The following AUTS2 variants were observed in gnomAD, a reference collection of about 807,000 sequenced individuals.
The protein encoded by AUTS2 is activator of transcription and developmental regulator AUTS2.
A neutral mutation model predicts 112.4 loss-of-function variants in AUTS2; 17 were observed. That is an observed-to-expected ratio of 0.15 (90% confidence interval 0.10 to 0.23). The LOEUF (loss-of-function observed/expected upper bound fraction) is 0.23, where lower values mean the gene tolerates loss of function less well. Ranked by LOEUF, AUTS2 falls within the 10% of genes least tolerant of loss-of-function variation. The probability of loss-of-function intolerance (pLI) is 1.00; values close to 1 mark genes in which losing one functional copy is unlikely to be tolerated. For synonymous variants in AUTS2, 751 were observed against 702.7 expected (o/e 1.07, Z -1.09); for missense variants, 1,510 against 1,701.6 (o/e 0.89, Z 1.98).
chr7:70,431,661 A>G (rs1213250489), intron 4 of AUTS2, among the ~76,000 whole-genome samples: 1 of 152,254 alleles, frequency 6.6e-6, no homozygotes, highest in African/African-American at 2.4e-5. Flanking sequence ...CTGGGATTAC[A>G]GGCGTGAGCC....
In AUTS2 at chr7:70,058,300, AT is replaced by A. The variant is rs540708107; in HGVS notation, c.523-59831del. 5.0e-4 allele frequency among the ~76,000 whole-genome samples: 76 copies of A among 152,328 alleles called. 1 individual carries two copies. In the South Asian group the frequency reaches 0.016, roughly 31 times the overall value. On this transcript the variant is annotated intron_variant, in intron 2 of 18. Coordinates refer to ENST00000342771, the MANE Select transcript of AUTS2 (RefSeq NM_015570.4). ...ATTGGCTTTGTCCTATACATGTGGT[AT>A]GTCTGGAGTTTTGGAAACAATTCAT...
intron 2 of AUTS2, among the ~76,000 whole-genome samples, chr7:70,065,176 C>T (rs1249835938): frequency 6.6e-6 from 1 of 152,094 alleles, no homozygotes; most frequent in African/African-American, 2.4e-5. Context: ...CTAGCTATTC[C>T]TGTGAACCCC....
intron 5 of AUTS2, among the ~76,000 whole-genome samples, chr7:70,486,992 A>G (rs755052619): frequency 6.8e-6 from 1 of 147,924 alleles, no homozygotes; most frequent in Non-Finnish European, 1.5e-5. Flanking sequence ...CTTTCCCTGT[A>G]GGCATGGTGG....
chr7:69,852,645 G>T (rs1275207745), intron 1 of AUTS2, among the ~76,000 whole-genome samples: 2 of 152,086 alleles, frequency 1.3e-5, no homozygotes, highest in Admixed American at 6.5e-5. Flanking sequence ...TAGAGACAGG[G>T]TTTCACCATG....
chr7:69,926,155 A>T (rs1796000700), intron 2 of AUTS2, among the ~76,000 whole-genome samples: 1 of 152,210 alleles, frequency 6.6e-6, no homozygotes, highest in East Asian at 1.9e-4. Flanking sequence ...GGAATGTTCT[A>T]TAAATGCCAG....
chr7:70,055,844 T>C (rs935971114), intron 2 of AUTS2, among the ~76,000 whole-genome samples: 2 of 152,158 alleles, frequency 1.3e-5, no homozygotes, highest in Non-Finnish European at 2.9e-5. Context: ...TTTCTTCCTA[T>C]CTAATTTTTT....
At chr7:70,691,191 A>T (rs1341816401) in intron 5 of AUTS2, among the ~76,000 whole-genome samples, 1 of 152,212 alleles carries the variant, frequency 6.6e-6, no homozygotes, top group Non-Finnish European at 1.5e-5. Context: ...ATCTAACACC[A>T]GAGTGGAAAT....
chr7:70,526,065 C>A (rs1799828554), intron 5 of AUTS2, among the ~76,000 whole-genome samples: 1 of 152,162 alleles, frequency 6.6e-6, no homozygotes, highest in African/African-American at 2.4e-5. Flanking sequence ...AAAAAAATAA[C>A]CCACACAATT....
chr7:69,695,839 A>T (rs1489117047), intron 1 of AUTS2, among the ~76,000 whole-genome samples: 2 of 152,074 alleles, frequency 1.3e-5, no homozygotes, highest in African/African-American at 4.8e-5. Flanking sequence ...ACTAGACATT[A>T]AAAAAAATCT....
At chr7:70,785,538 T>C in intron 16 of AUTS2, 1 of 466,502 alleles carries the variant, frequency 2.1e-6, no homozygotes, top group Non-Finnish European at 4.3e-6. Flanking sequence ...GATTCAGGCA[T>C]TGGCTTGCAC....
chr7:70,601,616 T>C (rs1401143705), intron 5 of AUTS2, among the ~76,000 whole-genome samples: 1 of 152,108 alleles, frequency 6.6e-6, no homozygotes, highest in Non-Finnish European at 1.5e-5. Context: ...TAGAGTGGTG[T>C]GTGTCAGGGA....
chr7:70,438,148 C>T (rs561765964), intron 5 of AUTS2, among the ~76,000 whole-genome samples: 1 of 152,186 alleles, frequency 6.6e-6, no homozygotes, highest in East Asian at 1.9e-4. Context: ...ATACTGAGAG[C>T]ACCCCACCAG....
At chr7:69,816,282 G>A (rs1209647882) in intron 1 of AUTS2, among the ~76,000 whole-genome samples, 2 of 152,120 alleles carry the variant, frequency 1.3e-5, no homozygotes, top group African/African-American at 2.4e-5. Context: ...TTAAAATATC[G>A]ACTTACATTC....
chr7:69,837,570 G>GA, intron 1 of AUTS2, among the ~76,000 whole-genome samples: 1 of 152,090 alleles, frequency 6.6e-6, no homozygotes, highest in Non-Finnish European at 1.5e-5. Flanking sequence ...GTCTTGCCAT[G>GA]AGTCACTGCT....
chr7:69,752,793 A>G (rs954808927), intron 1 of AUTS2, among the ~76,000 whole-genome samples: 8 of 152,184 alleles, frequency 5.3e-5, no homozygotes, highest in African/African-American at 1.7e-4. Flanking sequence ...GAAAGGAGAT[A>G]AGAGACTAAT....
At chr7:70,595,119 T>C (rs1192034079) in intron 5 of AUTS2, among the ~76,000 whole-genome samples, 1 of 152,060 alleles carries the variant, frequency 6.6e-6, no homozygotes, top group Non-Finnish European at 1.5e-5. Flanking sequence ...AAAGAATTAT[T>C]ACCAGCTGCT....
intron 6 of AUTS2, among the ~76,000 whole-genome samples, chr7:70,711,965 C>A (rs778464357): frequency 3.3e-5 from 5 of 152,272 alleles, no homozygotes; most frequent in South Asian, 2.1e-4. Context: ...GAAATACAAC[C>A]CAACATGCTT....
chr7:69,602,537 A>G (rs1333781224), intron 1 of AUTS2, among the ~76,000 whole-genome samples: 2 of 152,170 alleles, frequency 1.3e-5, no homozygotes, highest in African/African-American at 2.4e-5. Context: ...TCTATATTTC[A>G]TCTATTTCCT....
At chr7:69,661,367 C>A (rs1795784856) in intron 1 of AUTS2, among the ~76,000 whole-genome samples, 1 of 152,192 alleles carries the variant, frequency 6.6e-6, no homozygotes, top group South Asian at 2.1e-4. Flanking sequence ...TTTGTCCTGT[C>A]CACAGTGTTT....
Sources: allele counts gnomAD v4.1 joint callset (sites outside exome capture counted in the v4.1 genomes callset), GRCh38; gene constraint gnomAD v4.1.1; transcripts MANE v1.5; gene names NCBI Gene and HGNC (gene_info 2026-07-23, HGNC 2026-07-21).